PASK: variants seen among roughly 807,000 people sequenced by gnomAD.
PASK encodes the protein PAS domain-containing serine/threonine-protein kinase.
A neutral mutation model predicts 121.0 loss-of-function variants in PASK; 110 were observed. The ratio of observed to expected loss-of-function variants is 0.91; its 90% CI spans 0.78 to 1.06. The LOEUF (loss-of-function observed/expected upper bound fraction) is 1.06, where lower values mean the gene tolerates loss of function less well. PASK is among the 50% of genes least tolerant of loss of function. The pLI is 0.00. For synonymous variants in PASK, 686 were observed against 717.8 expected (o/e 0.96, Z 0.71); for missense variants, 1,643 against 1,702.3 (o/e 0.97, Z 0.61).
In PASK at chr2:241,126,884, GA is replaced by G; in HGVS notation, c.2030del (p.Val677AlafsTer60). 2 of 1,613,252 alleles carry G rather than the reference GA, an allele frequency of 1.2e-6. No homozygotes were observed. Among genetic ancestry groups the G allele is most frequent in the East Asian group, 4.5e-5 (2 of 44,862 alleles). Reference protein sequence around the residue: ...SQLSLAGALDVPHAELVPTEC... With the variant: ...SQLSLAGALDXPHAELVPTEC... ...CTGTCGGAACGAGTTCGGCGTGGGGGACATCCAGGGCTCCTGCAAGGCTCAA... is the reference window on the plus strand; with the variant it reads ...CTGTCGGAACGAGTTCGGCGTGGGGGCATCCAGGGCTCCTGCAAGGCTCAA... On this transcript the variant is annotated frameshift_variant, in exon 10 of 18. Transcript: ENST00000234040. LOFTEE classifies it high-confidence loss of function.
rs1175247042 is a variant in PASK at position 241,108,405 on chromosome 2, G to A, written c.3534-105C>T. 6.7e-6 allele frequency: 8 copies of A among 1,192,066 alleles called. No individual in the cohort carries two copies. Among genetic ancestry groups the A allele is most frequent in the Admixed American group, 3.6e-5 (2 of 55,482 alleles). The allele number at this position is 1,192,066 out of a possible 1,614,324, so 73.8% of individuals were successfully genotyped here. On this transcript the variant is annotated intron_variant, in intron 15 of 17. Transcript: ENST00000234040. The surrounding 1 kb of genome is among the most constrained non-coding windows in gnomAD (Gnocchi z 5.2). ...CCTTCCCGACCAGCACACAGGCCAG[G>A]CAGTGGTTTCCCAAGAGGAGGGTCA... is the stretch of plus-strand genomic sequence containing the variant.
chr2:241,122,202 TAGA>T (rs976612677), intron 12 of PASK, among the ~76,000 whole-genome samples: 91 of 150,018 alleles, frequency 6.1e-4, no homozygotes, highest in Admixed American at 1.7e-3. Flanking sequence ...CTTAGGAAAA[TAGA>T]AGAAGAAAAT....
intron 1 of PASK, among the ~76,000 whole-genome samples, chr2:241,144,972 G>A (rs113394216): frequency 1.3e-5 from 2 of 152,120 alleles, no homozygotes; most frequent in South Asian, 4.1e-4. Flanking sequence ...GGAGTGCAGT[G>A]GCGCGACTTC....
intron 12 of PASK, among the ~76,000 whole-genome samples, chr2:241,116,117 C>T (rs2065355583): frequency 6.9e-6 from 1 of 145,330 alleles, no homozygotes; most frequent in African/African-American, 2.7e-5. Context: ...AATCCTCAAG[C>T]ATCCCATTAC....
intron 2 of PASK, 74 bp downstream of exon 2, chr2:241,142,763 T>C: frequency 2.6e-6 from 3 of 1,167,796 alleles, no homozygotes; most frequent in Non-Finnish European, 3.8e-6. Context: ...GTGAGAGGGT[T>C]TCCATGAGAA....
intron 12 of PASK, among the ~76,000 whole-genome samples, chr2:241,115,696 T>C (rs796796675): frequency 0.018 from 1,950 of 110,368 alleles, 45 homozygotes; most frequent in African/African-American, 0.04. Context: ...CACCCAGTCC[T>C]CAAGCATCCC....
intron 14 of PASK, chr2:241,113,649 T>C (rs2065203989): frequency 1.1e-6 from 1 of 885,920 alleles, no homozygotes; most frequent in Non-Finnish European, 1.4e-6. Context: ...ACATGGAAAG[T>C]TTCATTAAGA....
chr2:241,110,485 C>A (rs532272709), intron 15 of PASK, among the ~76,000 whole-genome samples: 1 of 152,310 alleles, frequency 6.6e-6, no homozygotes, highest in South Asian at 2.1e-4. Flanking sequence ...CCTGCAGCCC[C>A]GCAGGCCCAG....
upstream of PASK, chr2:241,150,322 C>A (rs548086552): frequency 2.0e-5 from 26 of 1,326,118 alleles, no homozygotes; most frequent in Non-Finnish European, 2.3e-5. Flanking sequence ...GGAGGCGCGG[C>A]GCGCGGCCTC....
At chr2:241,140,298 G>A (rs191934118) in intron 3 of PASK, among the ~76,000 whole-genome samples, 1 of 152,200 alleles carries the variant, frequency 6.6e-6, no homozygotes, top group East Asian at 1.9e-4. Context: ...CCTGGTAGCT[G>A]GGACTACAGG....
chr2:241,140,188 TG>T, intron 3 of PASK, 133 bp from the exon 4 acceptor site: 1 of 761,700 alleles, frequency 1.3e-6, no homozygotes, highest in East Asian at 2.7e-5. Context: ...TTGCCCAGGC[TG>T]GAGTGCAGTG....
intron 1 of PASK, among the ~76,000 whole-genome samples, chr2:241,148,582 G>A (rs759604223): frequency 1.3e-5 from 2 of 152,196 alleles, no homozygotes; most frequent in Non-Finnish European, 2.9e-5. Context: ...CATGAGCCCA[G>A]AGCCTCCTAT....
rs2064973950 is a variant in PASK at position 241,108,370 on chromosome 2, G to A, written c.3534-70C>T. 1.4e-6 allele frequency: 2 copies of A among 1,472,368 alleles called. No individual in the cohort carries two copies. Among genetic ancestry groups the A allele is most frequent in the African/African-American group, 2.2e-5 (1 of 46,102 alleles). 91.2% of individuals were successfully genotyped at this position (1,472,368 alleles called of 1,614,324 possible). ...GGCTTGCCAAGCCCGCCCATGGGAA[G>A]CACCATGGCCCTTCCCGACCAGCAC... On this transcript the variant is annotated intron_variant, in intron 15 of 17. Transcript: ENST00000234040. The surrounding 1 kb of genome is among the most constrained non-coding windows in gnomAD (Gnocchi z 5.2).
chr2:241,117,078 G>A (rs2065405482), intron 12 of PASK, among the ~76,000 whole-genome samples: 1 of 152,004 alleles, frequency 6.6e-6, no homozygotes, highest in Non-Finnish European at 1.5e-5. Flanking sequence ...GTGTGAGGGA[G>A]GCGGGGGGCT....
chr2:241,119,074 G>A (rs189987518), intron 12 of PASK: 117 of 393,190 alleles, frequency 3.0e-4, no homozygotes, highest in Non-Finnish European at 4.0e-4. Context: ...GATTCAAGTC[G>A]GGAGGGAAGC....
chr2:241,124,002 G>A lies in PASK; in HGVS notation c.2851C>T (p.Pro951Ser). Residue 951 changes from proline (P) to serine (S), a missense_variant, in exon 11 of 18, where the codon CCC becomes TCC. Pro to Ser is a moderately conservative substitution (Grantham distance 74). This residue lies in a region of PASK where 453 missense variants were observed against 511.2 expected (regional missense o/e 0.89). Coordinates refer to ENST00000234040, the MANE Select transcript of PASK (RefSeq NM_015148.4). ...GCAGCGGTAGAGTGGGTGGAGCCGG[G>A]CAGGCTGGCAAGGAACAGGCGGGTC... ...ARTRLFLASL[P>S]GSTHSTAAEL... 1 of 1,613,980 alleles carries A rather than the reference G, an allele frequency of 6.2e-7. No homozygotes were observed. The highest frequency in any genetic ancestry group is 1.3e-5 in the African/African-American group (1 of 75,044).
intron 3 of PASK, 143 bp from the exon 4 acceptor site, chr2:241,140,198 T>C (rs558551914): frequency 1.4e-6 from 1 of 729,562 alleles, no homozygotes. Context: ...TGGAGTGCAG[T>C]GGCGCAATCA....
intron 9 of PASK, among the ~76,000 whole-genome samples, chr2:241,131,525 A>G (rs2066132882): frequency 6.6e-6 from 1 of 152,200 alleles, no homozygotes; most frequent in Non-Finnish European, 1.5e-5. Flanking sequence ...TTTCAAGACT[A>G]GAAAACACAA....
At position 241,136,028 on chromosome 2, in the gene PASK, G is replaced by C. The variant is rs761201439; in HGVS notation, c.1149C>G (p.Phe383Leu). 7.4e-6 allele frequency: 12 copies of C among 1,613,862 alleles called. No homozygotes were observed. The African/African-American group carries it at 9.3e-5, about 13-fold the overall frequency. ...KTELLGKNIT[F>L]LIPGFYSYMD... ...TGTAGCTGTAGAAACCAGGAATCAG[G>C]AAAGTGATATTCTAGAAAACAAAGC... Residue 383 changes from phenylalanine (F) to leucine (L), a missense_variant, in exon 8 of 18, where the codon TTC becomes TTG. By Grantham distance (22) the Phe-to-Leu change is conservative (BLOSUM62 0). This residue lies in a region of PASK where 1,176 missense variants were observed against 1,162.2 expected (regional missense o/e 1.01). Coordinates refer to ENST00000234040, the MANE Select transcript of PASK (RefSeq NM_015148.4).
Sources: allele counts gnomAD v4.1 joint callset (sites outside exome capture counted in the v4.1 genomes callset), GRCh38; gene constraint gnomAD v4.1.1; regional missense constraint gnomAD v4.1.1; non-coding constraint Gnocchi (gnomAD v3.1); transcripts MANE v1.5; gene names NCBI Gene and HGNC (gene_info 2026-07-23, HGNC 2026-07-21).